Variants in DENND4C observed in about 807,000 individuals in gnomAD.
DENND4C encodes the protein DENN domain-containing protein 4C.
DENND4C carries 108 observed loss-of-function variants against 203.0 expected under a neutral mutation model. That is an observed-to-expected ratio of 0.53 (90% CI 0.46 to 0.62). The LOEUF is 0.62. Ranked by LOEUF, DENND4C falls within the 20% of genes least tolerant of loss-of-function variation. The pLI, the probability that DENND4C is intolerant of heterozygous loss-of-function variation, is 0.00. For missense variants in DENND4C, 2,481 were observed against 2,301.2 expected, an observed-to-expected ratio of 1.08 and a Z score of -1.60; for synonymous variants, 871 against 792.4, an observed-to-expected ratio of 1.10 and a Z score of -1.67.
At chr9:19,315,006 A>C (rs1013378528) in intron 10 of DENND4C, among the ~76,000 whole-genome samples, 1 of 151,988 alleles carries the variant, frequency 6.6e-6, no homozygotes, top group African/African-American at 2.4e-5. Flanking sequence ...TACTAAAATA[A>C]AAAATTAGCT....
intron 16 of DENND4C, among the ~76,000 whole-genome samples, chr9:19,330,333 G>GTT (rs398010417): frequency 0.23 from 22,175 of 96,884 alleles, 3,158 homozygotes; most frequent in Non-Finnish European, 0.33. Context: ...TACCAAGTTG[G>GTT]TTTTTTTTTT....
chr9:19,333,296 A>G (rs973429659), intron 17 of DENND4C, among the ~76,000 whole-genome samples: 1 of 152,080 alleles, frequency 6.6e-6, no homozygotes, highest in African/African-American at 2.4e-5. Flanking sequence ...GATTATAAAT[A>G]TGAGCCACTG....
At chr9:19,260,258 T>G (rs1370874382) in intron 1 of DENND4C, among the ~76,000 whole-genome samples, 1 of 152,218 alleles carries the variant, frequency 6.6e-6, no homozygotes, top group African/African-American at 2.4e-5. Context: ...TATACCTGTT[T>G]GACATTCATA....
intron 8 of DENND4C, 47 bp from the exon 9 acceptor site, chr9:19,300,140 C>A: frequency 6.6e-7 from 1 of 1,519,270 alleles, no homozygotes; most frequent in Non-Finnish European, 8.9e-7. Context: ...TAACATATTT[C>A]AGCAAAATAG....
At chr9:19,298,206 T>A in intron 7 of DENND4C, 84 bp downstream of exon 7, 1 of 1,256,760 alleles carries the variant, frequency 8.0e-7, no homozygotes, top group Non-Finnish European at 1.1e-6. Context: ...TACCTTTGGG[T>A]TTGAGGTGGA....
In DENND4C at chr9:19,321,529, G is replaced by C. The variant is rs148993736; in HGVS notation, c.1808-2833G>C. On this transcript the variant is annotated intron_variant, in intron 12 of 32. Transcript: ENST00000434457. ...TTTTGTTTTTTAGATGGAAAAAAGAGACTTGAGTATGCTGATGAGAAATAG... is the reference window on the plus strand; with the variant it reads ...TTTTGTTTTTTAGATGGAAAAAAGACACTTGAGTATGCTGATGAGAAATAG... 3.8e-3 allele frequency among the ~76,000 whole-genome samples: 584 copies of C among 151,822 alleles called. 1 individual carries two copies. The highest frequency in any genetic ancestry group is 0.014 in the African/African-American group (559 of 41,380).
chr9:19,307,746 G>C (rs1839974856), intron 10 of DENND4C, among the ~76,000 whole-genome samples: 1 of 149,354 alleles, frequency 6.7e-6, no homozygotes, highest in African/African-American at 2.5e-5. Flanking sequence ...CTCCAGCCTG[G>C]GCGACAGAGC....
In DENND4C at chr9:19,290,689, C is replaced by G; in HGVS notation, c.629-15C>G. On this transcript the variant is annotated splice_polypyrimidine_tract_variant and intron_variant, in intron 4 of 32. Transcript: ENST00000434457. The stretch of plus-strand genomic sequence containing the variant: ...AACTATTTAAAAAATTTATTGTTGT[C>G]TCATTCTTCAAAAGGTTTAATTTTT... 7.2e-7 allele frequency: 1 copy of G among 1,382,672 alleles called. No homozygotes were observed. The highest frequency in any genetic ancestry group is 2.5e-5 in the East Asian group (1 of 39,918). 85.7% of individuals were successfully genotyped at this position (1,382,672 alleles called of 1,614,324 possible).
chr9:19,238,345 G>C (rs1174589772), intron 1 of DENND4C, among the ~76,000 whole-genome samples: 3 of 151,806 alleles, frequency 2.0e-5, no homozygotes, highest in African/African-American at 7.3e-5. Context: ...GCCTCCCAAA[G>C]TGCTGAGATT....
intron 1 of DENND4C, among the ~76,000 whole-genome samples, chr9:19,251,218 A>C (rs183472886): frequency 1.3e-5 from 2 of 152,234 alleles, no homozygotes; most frequent in African/African-American, 4.8e-5. Flanking sequence ...CACAGGCTTA[A>C]CATCATGTGG....
At chr9:19,238,055 C>T (rs886373451) in intron 1 of DENND4C, among the ~76,000 whole-genome samples, 29 of 151,724 alleles carry the variant, frequency 1.9e-4, no homozygotes, top group African/African-American at 7.0e-4. Context: ...GAAGACCCCT[C>T]CTTGACTCTT....
rs114821401 is a variant in DENND4C, at chr9:19,348,726, G to A, written c.4317+1640G>A. Among the ~76,000 whole-genome samples, 1,471 of 152,124 alleles carry A rather than the reference G, an allele frequency of 9.7e-3. 20 individuals are homozygous for A. The highest frequency in any genetic ancestry group is 0.034 in the African/African-American group (1,407 of 41,484). On this transcript the variant is annotated intron_variant, in intron 23 of 32. Coordinates refer to ENST00000434457, the MANE Select transcript of DENND4C (RefSeq NM_001330640.2). ...ATTTTGTATTTAAAGAGCTTACGAG[G>A]TCAGTCAAGGGAAGGCGAAATAAAA...
chr9:19,300,413 C>T (rs1838317412), intron 9 of DENND4C, 82 bp downstream of exon 9: 2 of 1,279,884 alleles, frequency 1.6e-6, no homozygotes, highest in Admixed American at 5.6e-5. Context: ...AAAACAGCAA[C>T]TTTGTAAACA....
chr9:19,324,382 C>G lies in DENND4C; in HGVS notation c.1828C>G (p.Arg610Gly). 6.2e-7 allele frequency: 1 copy of G among 1,601,234 alleles called. No individual in the cohort carries two copies. Among genetic ancestry groups the G allele is most frequent in the Non-Finnish European group, 8.5e-7 (1 of 1,176,602 alleles). Reference sequence around the variant, plus strand: ...CTCAGGATTTTTAAAAAGTCGAGATCGTGCCTATGCAAAATTCTATACCCT... The same window carrying G: ...CTCAGGATTTTTAAAAAGTCGAGATGGTGCCTATGCAAAATTCTATACCCT... ...DRQGFLKSRD[R>G]AYAKFYTLLS... The change falls in exon 13 of 33, where the codon CGT (arginine) becomes GGT (glycine). Residue 610 changes from arginine (R) to glycine (G), a missense_variant. Coordinates refer to ENST00000434457, the MANE Select transcript of DENND4C (RefSeq NM_001330640.2).
chr9:19,297,093 G>T (rs1837621183), intron 6 of DENND4C, among the ~76,000 whole-genome samples: 1 of 152,094 alleles, frequency 6.6e-6, no homozygotes, highest in African/African-American at 2.4e-5. Context: ...ATTGACTTCT[G>T]TTTATGATAG....
intron 1 of DENND4C, among the ~76,000 whole-genome samples, chr9:19,236,978 T>G (rs984243288): frequency 6.6e-6 from 1 of 152,228 alleles, no homozygotes; most frequent in African/African-American, 2.4e-5. Context: ...TTTTCTTCCT[T>G]TTTCACATTT....
At chr9:19,316,349 C>G (rs1444563307) in intron 10 of DENND4C, 68 bp from the exon 11 acceptor site, 1 of 1,276,868 alleles carries the variant, frequency 7.8e-7, no homozygotes, top group Non-Finnish European at 1.1e-6. Context: ...TAGGTTGATG[C>G]AAGAATTTTG....
intron 20 of DENND4C, 70 bp from the exon 21 acceptor site, chr9:19,340,914 GAATTTTCT>G: frequency 8.5e-7 from 1 of 1,174,606 alleles, no homozygotes. Context: ...TAGATCAGTG[GAATTTTCT>G]TGTGATTTTT....
rs377514381 is a variant in DENND4C, at chr9:19,358,104, C to T, written c.5104C>T (p.Arg1702Ter). The T allele has an allele frequency of 1.3e-5, 21 of 1,613,742 alleles. No homozygotes were observed. The highest frequency in any genetic ancestry group is 1.7e-5 in the Admixed American group (1 of 59,990). ...GPLQNIDFTQ[R>*]PFHGISTVSL... Reference sequence around the variant, plus strand: ...ATTGCAGAATATTGACTTTACCCAGCGACCGTTTCATGGCATCTCAACAGT... The same window carrying T: ...ATTGCAGAATATTGACTTTACCCAGTGACCGTTTCATGGCATCTCAACAGT... The change falls in exon 28 of 33, where the codon CGA becomes TGA. Residue 1702 changes from arginine to a stop codon, truncating the protein, a stop_gained. Transcript: ENST00000434457. LOFTEE classifies it high-confidence loss of function. The surrounding 1 kb of genome is among the most constrained non-coding windows in gnomAD (Gnocchi z 4.8).
Sources: gnomAD v4.1 joint callset for allele counts (sites outside exome capture counted in the v4.1 genomes callset) on GRCh38, gnomAD v4.1.1 for gene constraint, Gnocchi (gnomAD v3.1) non-coding constraint, MANE v1.5 for transcripts, NCBI Gene and HGNC (gene_info 2026-07-23, HGNC 2026-07-21) for gene names.